Variants in NPAS3 observed in about 807,000 individuals in gnomAD.
The protein encoded by NPAS3 is neuronal PAS domain-containing protein 3.
NPAS3 carries 14 observed loss-of-function variants against 73.1 expected under a neutral mutation model. That is an observed-to-expected ratio of 0.19 (90% CI 0.13 to 0.30). The LOEUF (loss-of-function observed/expected upper bound fraction) is 0.30. Among genes scored for constraint, NPAS3 ranks in the 10% least tolerant of loss-of-function variants. NPAS3 has a pLI of 1.00. For synonymous variants in NPAS3, 620 were observed against 541.5 expected, an observed-to-expected ratio of 1.14 and a Z score of -2.01; for missense variants, 1,096 against 1,250.0, an observed-to-expected ratio of 0.88 and a Z score of 1.86.
chr14:33,651,257 A>G (rs1472957717), intron 5 of NPAS3, among the ~76,000 whole-genome samples: 2 of 152,160 alleles, frequency 1.3e-5, no homozygotes, highest in East Asian at 1.9e-4. Flanking sequence ...GCCACTCTGC[A>G]TCAGTTAGTT....
At chr14:32,951,370 A>T (rs372600454) in intron 1 of NPAS3, among the ~76,000 whole-genome samples, 1 of 152,110 alleles carries the variant, frequency 6.6e-6, no homozygotes, top group Non-Finnish European at 1.5e-5. Flanking sequence ...TAAATTTTTT[A>T]TGTCAAATAT....
At chr14:33,109,677 T>A (rs984531926) in intron 2 of NPAS3, among the ~76,000 whole-genome samples, 1 of 152,152 alleles carries the variant, frequency 6.6e-6, no homozygotes, top group African/African-American at 2.4e-5. Context: ...AAGTTGATTT[T>A]GTCTCAGATA....
Position 33,719,915 on chromosome 14 carries a change from C to T in NPAS3, c.734-15299C>T, listed in dbSNP as rs1293047802. Among the ~76,000 whole-genome samples, 3 of 151,992 alleles carry T rather than the reference C, an allele frequency of 2.0e-5. No homozygotes were observed. In the East Asian group the frequency reaches 5.8e-4, roughly 29 times the overall value. ...TTGTTGCCTGTGTTAATTGTCGGGG[C>T]ATCATTGGCAGATAATAACAGAATT... On this transcript the variant is annotated intron_variant, in intron 6 of 11. Transcript: ENST00000356141.
At chr14:33,346,007 A>C (rs8017386) in intron 3 of NPAS3, among the ~76,000 whole-genome samples, 67,769 of 151,324 alleles carry the variant, frequency 0.45, 15,723 homozygotes, top group East Asian at 0.6. Context: ...TCGAGGCAGG[A>C]GGATCACAAG....
chr14:33,060,327 C>T (rs930617103), intron 2 of NPAS3, among the ~76,000 whole-genome samples: 3 of 152,136 alleles, frequency 2.0e-5, no homozygotes, highest in African/African-American at 7.2e-5. Flanking sequence ...AATCCGTTCA[C>T]CCGTATTTAG....
At chr14:33,161,531 T>C (rs559222002) in intron 2 of NPAS3, among the ~76,000 whole-genome samples, 1 of 152,352 alleles carries the variant, frequency 6.6e-6, no homozygotes, top group African/African-American at 2.4e-5. Context: ...ATGAGGATAC[T>C]AATACATTGG....
chr14:33,800,806 C>A lies in NPAS3; in HGVS notation c.2499C>A (p.Pro833=), dbSNP rs753692483. 7.5e-6 allele frequency: 12 copies of A among 1,597,226 alleles called. No homozygotes were observed. In the South Asian group the frequency reaches 1.4e-4, roughly 18 times the overall value. The stretch of plus-strand genomic sequence containing the variant: ...CCACGGGCACCATCCGCTACGCGCC[C>A]GCCGAGGTGACCCTGGCCATGCAGA... The change falls in exon 12 of 12, where the codon CCC becomes CCA. Residue 833 remains proline (P), a synonymous_variant. Coordinates refer to ENST00000356141, the Ensembl canonical transcript of NPAS3. The surrounding 1 kb of genome is among the most constrained non-coding windows in gnomAD (Gnocchi z 6.5).
In NPAS3 at chr14:33,008,696, C is replaced by T. The variant is rs146307073; in HGVS notation, c.51-47209C>T. Among the ~76,000 whole-genome samples, 44 of 152,242 alleles carry T rather than the reference C, an allele frequency of 2.9e-4. 1 individual carries two copies. Among genetic ancestry groups the T allele is most frequent in the African/African-American group, 1.0e-3 (43 of 41,546 alleles). ...TTTTATAGGAAATATAAGAAATGAA[C>T]GTTAGGTAAGAATTCTACCTCCCAT... is the stretch of plus-strand genomic sequence containing the variant. On this transcript the variant is annotated intron_variant, in intron 1 of 11. Transcript: ENST00000356141.
intron 5 of NPAS3, chr14:33,581,946 G>A (rs1455092927): frequency 6.6e-6 from 1 of 152,110 alleles, no homozygotes; most frequent in Non-Finnish European, 1.5e-5. Context: ...TTCTATAGGT[G>A]TGCCATTTAT....
chr14:33,446,604 G>A lies in NPAS3; in HGVS notation c.468+79336G>A, dbSNP rs530398929. Reference sequence around the variant, plus strand: ...GAAAAACTTGTTAGCAGTCTCAGCAGAAAATTCTTGAGATGGCTCAGGAGT... The same window carrying A: ...GAAAAACTTGTTAGCAGTCTCAGCAAAAAATTCTTGAGATGGCTCAGGAGT... On this transcript the variant is annotated intron_variant, in intron 4 of 11. Transcript: ENST00000356141. Among the ~76,000 whole-genome samples the A allele has an allele frequency of 1.4e-3, 207 of 152,346 alleles. 1 individual carries two copies. The highest frequency in any genetic ancestry group is 2.4e-3 in the Non-Finnish European group (163 of 68,022).
chr14:33,595,029 G>A (rs1051105780), intron 5 of NPAS3, among the ~76,000 whole-genome samples: 5 of 152,086 alleles, frequency 3.3e-5, no homozygotes, highest in African/African-American at 9.7e-5. Context: ...CCATCTGAAA[G>A]GCAAAAAGAA....
intron 5 of NPAS3, among the ~76,000 whole-genome samples, chr14:33,581,929 C>A (rs2056680022): frequency 6.6e-6 from 1 of 152,084 alleles, no homozygotes; most frequent in African/African-American, 2.4e-5. Context: ...GGGTAGATGG[C>A]CTTTCTTTCT....
At chr14:33,515,910 GT>G (rs1482277474) in intron 4 of NPAS3, among the ~76,000 whole-genome samples, 5 of 152,118 alleles carry the variant, frequency 3.3e-5, no homozygotes, top group African/African-American at 1.2e-4. Context: ...GAACATTATT[GT>G]TTAGTAACCG....
chr14:33,443,254 T>C lies in NPAS3; in HGVS notation c.468+75986T>C, dbSNP rs1460710412. On this transcript the variant is annotated intron_variant, in intron 4 of 11. Transcript: ENST00000356141. Reference sequence around the variant, plus strand: ...TATACTTAAAGGGAAAATTTGACTATATATCTAGAAACTCTGTTAAAAAAG... The same window carrying C: ...TATACTTAAAGGGAAAATTTGACTACATATCTAGAAACTCTGTTAAAAAAG... 1.1e-4 allele frequency among the ~76,000 whole-genome samples: 16 copies of C among 151,998 alleles called. 1 individual carries two copies. Among genetic ancestry groups the C allele is most frequent in the Non-Finnish European group, 2.1e-4 (14 of 68,022 alleles).
intron 1 of NPAS3, among the ~76,000 whole-genome samples, chr14:33,050,604 T>C (rs577685668): frequency 1.3e-5 from 2 of 152,334 alleles, no homozygotes; most frequent in African/African-American, 4.8e-5. Flanking sequence ...ATAAATGTTA[T>C]ATTAATTTAA....
intron 2 of NPAS3, among the ~76,000 whole-genome samples, chr14:33,061,449 G>A (rs1197821671): frequency 1.3e-5 from 2 of 152,184 alleles, no homozygotes; most frequent in Admixed American, 1.3e-4. Flanking sequence ...ACTGCTTCAA[G>A]CCTTTCGATA....
In NPAS3 at chr14:33,277,299, A is replaced by G. The variant is rs2041380737; in HGVS notation, c.385+61873A>G. On this transcript the variant is annotated intron_variant, in intron 3 of 11. Coordinates refer to ENST00000356141, the Ensembl canonical transcript of NPAS3. ...ACAAGCAAGAAGTCTTTCTAGTCCC[A>G]GCTCTGGCACTGATTAACTGGCTAC... Among the ~76,000 whole-genome samples, 5 of 152,304 alleles carry G rather than the reference A, an allele frequency of 3.3e-5. No individual in the cohort carries two copies. The South Asian group carries it at 1.0e-3, about 32-fold the overall frequency.
At chr14:33,448,849 G>A (rs988388561) in intron 4 of NPAS3, among the ~76,000 whole-genome samples, 1 of 152,172 alleles carries the variant, frequency 6.6e-6, no homozygotes, top group Non-Finnish European at 1.5e-5. Context: ...GGCTTGGTCA[G>A]CCCAGCCTGA....
chr14:33,461,136 G>A (rs558711327), intron 4 of NPAS3, among the ~76,000 whole-genome samples: 3 of 152,144 alleles, frequency 2.0e-5, no homozygotes, highest in Non-Finnish European at 4.4e-5. Flanking sequence ...TAGGGCCTGC[G>A]AGGCTTTATT....
Sources: allele counts gnomAD v4.1 joint callset (sites outside exome capture counted in the v4.1 genomes callset), GRCh38; gene constraint gnomAD v4.1.1; non-coding constraint Gnocchi (gnomAD v3.1); transcripts MANE v1.5; gene names NCBI Gene and HGNC (gene_info 2026-07-23, HGNC 2026-07-21).